Variants in POLN observed in about 807,000 individuals in gnomAD.
The protein encoded by POLN is DNA polymerase nu.
Under a neutral mutation model 113.5 loss-of-function variants are expected in POLN, and 108 were observed. That is an observed-to-expected ratio of 0.95 (90% CI 0.81 to 1.12). POLN has a LOEUF of 1.12. Ranked by LOEUF, POLN falls within the 50% of genes most tolerant of loss-of-function variation. POLN has a pLI of 0.00. For synonymous variants in POLN, 386 were observed against 391.5 expected, an observed-to-expected ratio of 0.99 and a Z score of 0.17; for missense variants, 1,097 against 1,077.1, an observed-to-expected ratio of 1.02 and a Z score of -0.26.
intron 16 of POLN, among the ~76,000 whole-genome samples, chr4:2,135,854 G>A (rs1226780577): frequency 1.3e-5 from 2 of 152,204 alleles, no homozygotes; most frequent in East Asian, 1.9e-4. Context: ...GCACGCAGGG[G>A]AACCGTTCGT....
At chr4:2,180,601 C>T (rs1733114836) in intron 7 of POLN, among the ~76,000 whole-genome samples, 1 of 152,166 alleles carries the variant, frequency 6.6e-6, no homozygotes, top group African/African-American at 2.4e-5. Context: ...CACATGTCTC[C>T]GTCAGCAGCA....
chr4:2,178,281 C>T (rs949434847), intron 8 of POLN, among the ~76,000 whole-genome samples: 1 of 152,262 alleles, frequency 6.6e-6, no homozygotes, highest in Admixed American at 6.5e-5. Context: ...CTCTTACCCC[C>T]AGCTCAGTGC....
intron 23 of POLN, chr4:2,079,301 G>A (rs1256878862): frequency 5.1e-5 from 31 of 603,414 alleles, no homozygotes; most frequent in Non-Finnish European, 2.3e-5. Context: ...TTCCTGCCAA[G>A]ACGGAAACTA....
rs763153337 is a variant in POLN at position 2,225,656 on chromosome 4, A to G, written c.133+3443T>C. Among the ~76,000 whole-genome samples the G allele has an allele frequency of 5.2e-4, 79 of 151,598 alleles. 1 individual carries two copies. The highest frequency in any genetic ancestry group is 1.0e-3 in the Non-Finnish European group (68 of 67,866). On this transcript the variant is annotated intron_variant, in intron 3 of 25. Transcript: ENST00000511885. Reference sequence around the variant, plus strand: ...AAACAAACACTTTTCCTAATGTATTACAAAAAGACGCCCCAAAAATGTTGT... The same window carrying G: ...AAACAAACACTTTTCCTAATGTATTGCAAAAAGACGCCCCAAAAATGTTGT...
rs1039916402 is a variant in POLN at position 2,241,512 on chromosome 4, A to G, written c.-13+8T>C. 19 of 985,574 alleles carry G rather than the reference A, an allele frequency of 1.9e-5. No homozygotes were observed. Among genetic ancestry groups the G allele is most frequent in the Non-Finnish European group, 2.3e-5 (19 of 830,106 alleles). The allele number at this position is 985,574 out of a possible 1,614,324, so 61.1% of individuals were successfully genotyped here. On this transcript the variant is annotated splice_region_variant and intron_variant, in intron 2 of 25. Transcript: ENST00000511885. The stretch of plus-strand genomic sequence containing the variant: ...GGCACATCTTCTGAAGATCAACTAA[A>G]TATTTACCTCAACGTCTCGCCGGGC...
intron 6 of POLN, among the ~76,000 whole-genome samples, chr4:2,196,633 C>T (rs1733581267): frequency 6.8e-6 from 1 of 147,918 alleles, no homozygotes; most frequent in East Asian, 2.0e-4. Context: ...GGCACTGTGG[C>T]TCTGGAAAAA....
chr4:2,238,829 T>C, intron 2 of POLN: 1 of 1,613,074 alleles, frequency 6.2e-7, no homozygotes, highest in Non-Finnish European at 8.5e-7. Context: ...TATTAATTGA[T>C]TTAAAACTAA....
intron 16 of POLN, among the ~76,000 whole-genome samples, chr4:2,139,238 T>C (rs1731936969): frequency 6.6e-6 from 1 of 152,126 alleles, no homozygotes; most frequent in Non-Finnish European, 1.5e-5. Context: ...GGGGGAAGCG[T>C]GAGCCTCTGC....
intron 19 of POLN, among the ~76,000 whole-genome samples, chr4:2,114,151 A>G (rs1240671174): frequency 1.3e-5 from 2 of 151,944 alleles, no homozygotes; most frequent in Non-Finnish European, 2.9e-5. Flanking sequence ...CTCCCACCTT[A>G]GCCTCTGAAA....
In POLN at chr4:2,229,130, C is replaced by T; in HGVS notation, c.102G>A (p.Val34=). 1 of 1,609,934 alleles carries T rather than the reference C, an allele frequency of 6.2e-7. No individual in the cohort carries two copies. The highest frequency in any genetic ancestry group is 2.2e-5 in the East Asian group (1 of 44,810). Residue 34 remains valine, a synonymous_variant, in exon 3 of 26, where the codon GTG becomes GTA. Coordinates refer to ENST00000511885, the MANE Select transcript of POLN (RefSeq NM_181808.4). Reference sequence around the variant, plus strand: ...TACTCTTTCCCCAAGTCTTAGAATCCACTAAATCACCTGAATGCATAGCAG... The same window carrying T: ...TACTCTTTCCCCAAGTCTTAGAATCTACTAAATCACCTGAATGCATAGCAG... ...IMSAMHSGDL[V]DSKTWGKSTE...
rs1032742815 is a variant in POLN, at chr4:2,157,272, A to G, written c.1666-419T>C. On this transcript the variant is annotated intron_variant, in intron 15 of 25. Coordinates refer to ENST00000511885, the MANE Select transcript of POLN (RefSeq NM_181808.4). ...TCCTCAAGTCTGAACTAAAACAGTA[A>G]CATCTTCCTCAAATGAGTCCAGAAC... is the stretch of plus-strand genomic sequence containing the variant. Among the ~76,000 whole-genome samples, 6 of 152,276 alleles carry G rather than the reference A, an allele frequency of 3.9e-5. No homozygotes were observed. The East Asian group carries it at 9.7e-4, about 25-fold the overall frequency.
At chr4:2,095,540 G>T (rs150422206) in intron 20 of POLN, among the ~76,000 whole-genome samples, 258 of 152,332 alleles carry the variant, frequency 1.7e-3, no homozygotes, top group African/African-American at 5.9e-3. Flanking sequence ...GTGGACGAGG[G>T]TCTCCTCGAA....
chr4:2,240,079 T>C, intron 2 of POLN: 1 of 1,614,076 alleles, frequency 6.2e-7, no homozygotes, highest in Admixed American at 1.7e-5. Flanking sequence ...GCCCATTTTA[T>C]ACTTGACTTC....
chr4:2,171,581 A>G (rs1271067976), intron 11 of POLN, among the ~76,000 whole-genome samples: 1 of 151,934 alleles, frequency 6.6e-6, no homozygotes, highest in Non-Finnish European at 1.5e-5. Context: ...CATACACACA[A>G]AATTCCCAAA....
chr4:2,096,043 G>T, intron 19 of POLN, 110 bp from the exon 20 acceptor site: 1 of 926,772 alleles, frequency 1.1e-6, no homozygotes, highest in South Asian at 1.3e-5. Context: ...AATTCCTTAT[G>T]CTTTCATGGT....
intron 16 of POLN, among the ~76,000 whole-genome samples, chr4:2,139,516 T>C (rs1027096479): frequency 6.6e-6 from 1 of 152,224 alleles, no homozygotes; most frequent in Non-Finnish European, 1.5e-5. Flanking sequence ...CAAGAGGCAA[T>C]GCACAGAAAG....
At chr4:2,129,102 A>C in intron 18 of POLN, 77 bp downstream of exon 18, 1 of 1,044,982 alleles carries the variant, frequency 9.6e-7, no homozygotes, top group Non-Finnish European at 1.4e-6. Context: ...AATGAATTCC[A>C]TAAGTACCTT....
intron 16 of POLN, among the ~76,000 whole-genome samples, chr4:2,153,879 C>T (rs1366899253): frequency 2.6e-5 from 4 of 151,758 alleles, no homozygotes; most frequent in Non-Finnish European, 1.5e-5. Flanking sequence ...CCACTGCACC[C>T]GGCTGTTATT....
chr4:2,121,551 T>C (rs1731443217), intron 19 of POLN, among the ~76,000 whole-genome samples: 1 of 151,888 alleles, frequency 6.6e-6, no homozygotes, highest in African/African-American at 2.4e-5. Context: ...TATAGGAATA[T>C]TTAGGTTATC....
Sources: gnomAD v4.1 joint callset for allele counts (sites outside exome capture counted in the v4.1 genomes callset) on GRCh38, gnomAD v4.1.1 for gene constraint, MANE v1.5 for transcripts, NCBI Gene and HGNC (gene_info 2026-07-23, HGNC 2026-07-21) for gene names.